The following NRDC variants were observed in gnomAD, a reference collection of about 807,000 sequenced individuals.
NRDC encodes nardilysin.
In NRDC, 54 loss-of-function variants were observed where a neutral mutation model predicts 147.1. The ratio of observed to expected loss-of-function variants is 0.37; its 90% CI spans 0.29 to 0.46. NRDC has a LOEUF of 0.46. Ranked by LOEUF, NRDC falls within the 20% of genes least tolerant of loss-of-function variation. The pLI is 1.00. For missense variants in NRDC, 1,082 were observed against 1,370.6 expected (o/e 0.79, Z 3.33); for synonymous variants, 440 against 482.1 (o/e 0.91, Z 1.14).
chr1:51,810,370 T>C lies in NRDC; in HGVS notation c.1814A>G (p.Gln605Arg), dbSNP rs762722640. 11 of 1,612,572 alleles carry C rather than the reference T, an allele frequency of 6.8e-6. No individual in the cohort carries two copies. The highest frequency in any genetic ancestry group is 1.6e-4 in the Middle Eastern group (1 of 6,078). ...IGEALNQLVPQKANLVLLSGA... is the reference protein window; with the variant it reads ...IGEALNQLVPRKANLVLLSGA... ...AGACAGTAAAACAAGATTTGCTTTT[T>C]GAGGAACTAGCTGATTCAAGGCTTC... is the stretch of plus-strand genomic sequence containing the variant. Residue 605 changes from glutamine (Q) to arginine (R), a missense_variant, in exon 16 of 31, where the codon CAA (glutamine) becomes CGA (arginine). Physicochemically the swap from Gln to Arg is conservative, Grantham distance 43. Transcript: ENST00000352171.
chr1:51,864,949 T>TAAAAA (rs76818656), intron 1 of NRDC, among the ~76,000 whole-genome samples: 1 of 133,846 alleles, frequency 7.5e-6, no homozygotes, highest in Non-Finnish European at 1.6e-5. Context: ...GACCTGGTCT[T>TAAAAA]AAAAAAAAAA....
chr1:51,825,133 T>G (rs777370561), intron 6 of NRDC, among the ~76,000 whole-genome samples, 154 bp downstream of exon 6: 23 of 152,370 alleles, frequency 1.5e-4, no homozygotes, highest in Admixed American at 2.6e-4. Flanking sequence ...GAGGCATATT[T>G]AACAACTTCG....
At chr1:51,860,112 C>A in intron 1 of NRDC, 1 of 168,462 alleles carries the variant, frequency 5.9e-6, no homozygotes, top group South Asian at 1.4e-4. Context: ...CTGCCAGATC[C>A]TCAGAATGTT....
chr1:51,860,284 C>A (rs1682464851), intron 1 of NRDC: 1 of 153,288 alleles, frequency 6.5e-6, no homozygotes, highest in South Asian at 2.1e-4. Flanking sequence ...TTTTCCCATT[C>A]CGTAAGTTTT....
intron 1 of NRDC, among the ~76,000 whole-genome samples, chr1:51,840,789 C>T (rs1396741799): frequency 6.6e-6 from 1 of 152,188 alleles, no homozygotes; most frequent in East Asian, 1.9e-4. Flanking sequence ...ATATATTTAC[C>T]TATTCAAAAA....
intron 1 of NRDC, among the ~76,000 whole-genome samples, chr1:51,845,869 G>C (rs1453950387): frequency 2.0e-5 from 3 of 151,952 alleles, no homozygotes; most frequent in Non-Finnish European, 2.9e-5. Flanking sequence ...ATAAACAAAA[G>C]AATGTTAACG....
chr1:51,837,008 C>T (rs913699803), intron 2 of NRDC, among the ~76,000 whole-genome samples: 13 of 148,904 alleles, frequency 8.7e-5, no homozygotes, highest in African/African-American at 2.7e-4. Flanking sequence ...TCTCAAACTC[C>T]TGGACTCAAA....
At chr1:51,864,031 T>C (rs1203331169) in intron 1 of NRDC, among the ~76,000 whole-genome samples, 1 of 152,224 alleles carries the variant, frequency 6.6e-6, no homozygotes, top group African/African-American at 2.4e-5. Context: ...GTCTATTTTA[T>C]AATGAAGTGT....
At chr1:51,832,797 G>A (rs1417367) in intron 4 of NRDC, among the ~76,000 whole-genome samples, 1 of 152,116 alleles carries the variant, frequency 6.6e-6, no homozygotes, top group East Asian at 1.9e-4. Context: ...CAATTTCACT[G>A]CTTAGAACTT....
intron 10 of NRDC, among the ~76,000 whole-genome samples, chr1:51,817,113 G>A (rs1398567271): frequency 1.3e-5 from 2 of 152,080 alleles, no homozygotes; most frequent in African/African-American, 4.8e-5. Flanking sequence ...CTGTATATAT[G>A]AGAAAATTTA....
intron 4 of NRDC, among the ~76,000 whole-genome samples, chr1:51,828,353 T>C (rs1680536853): frequency 6.6e-6 from 1 of 152,224 alleles, no homozygotes; most frequent in Non-Finnish European, 1.5e-5. Context: ...TTTGTAAAAT[T>C]GTAATATCAC....
chr1:51,858,868 T>C (rs1682391708), intron 1 of NRDC, among the ~76,000 whole-genome samples: 2 of 152,222 alleles, frequency 1.3e-5, no homozygotes, highest in African/African-American at 2.4e-5. Flanking sequence ...TCTCCATTTG[T>C]AAGGGTGTCT....
chr1:51,836,184 C>T lies in NRDC; in HGVS notation c.659G>A (p.Gly220Glu). ...CAGGTCATCTGGATCAGCGAAACTC[C>T]CAACTCCAACACAAAGAGCCGCTGC... The part of the protein sequence containing the change: ...QSAAALCVGV[G>E]SFADPDDLPG... Residue 220 changes from glycine (G) to glutamate (E), a missense_variant, in exon 3 of 31, where the codon GGG becomes GAG. Physicochemically the swap from Gly to Glu is moderately conservative, Grantham distance 98 (BLOSUM62 -2). Around this residue, in one of 3 missense-constraint regions of NRDC, gnomAD observed 635 missense variants for 923.8 expected, o/e 0.69. Transcript: ENST00000352171. 6.2e-7 allele frequency: 1 copy of T among 1,614,118 alleles called. No homozygotes were observed. Among genetic ancestry groups the T allele is most frequent in the Non-Finnish European group, 8.5e-7 (1 of 1,180,018 alleles).
intron 4 of NRDC, among the ~76,000 whole-genome samples, chr1:51,829,898 A>T (rs1463217535): frequency 6.6e-6 from 1 of 151,896 alleles, no homozygotes; most frequent in African/African-American, 2.4e-5. Flanking sequence ...TTCATTTTAC[A>T]AATTTCCTAG....
chr1:51,842,735 A>G (rs971667752), intron 1 of NRDC, among the ~76,000 whole-genome samples: 3 of 152,342 alleles, frequency 2.0e-5, no homozygotes, highest in Admixed American at 2.0e-4. Flanking sequence ...ATACATATAT[A>G]TCCAACTTTT....
chr1:51,827,103 A>C lies in NRDC; in HGVS notation c.940+693T>G, dbSNP rs1472575463. On this transcript the variant is annotated intron_variant, in intron 5 of 30. Coordinates refer to ENST00000352171, the MANE Select transcript of NRDC (RefSeq NM_001101662.2). ...TTTCCAAGGAGCTACTACAGCTAGG[A>C]GGAGCTTAACCATTCCATCCTTTTT... Among the ~76,000 whole-genome samples, 6 of 152,352 alleles carry C rather than the reference A, an allele frequency of 3.9e-5. No homozygotes were observed. In the East Asian group the frequency reaches 1.2e-3, roughly 29 times the overall value.
chr1:51,866,415 C>T (rs1419724813), intron 1 of NRDC, among the ~76,000 whole-genome samples: 1 of 152,002 alleles, frequency 6.6e-6, no homozygotes, highest in Non-Finnish European at 1.5e-5. Flanking sequence ...TATCATTTCA[C>T]TCATAGGTAT....
chr1:51,813,981 A>G (rs1164186019), intron 14 of NRDC, 54 bp downstream of exon 14: 6 of 1,146,254 alleles, frequency 5.2e-6, no homozygotes, highest in Non-Finnish European at 5.2e-6. Flanking sequence ...CAATGTCTAC[A>G]CCAGCTTCAA....
intron 24 of NRDC, 58 bp downstream of exon 24, chr1:51,794,414 G>A (rs952199893): frequency 4.8e-5 from 75 of 1,569,014 alleles, no homozygotes; most frequent in South Asian, 1.6e-4. Flanking sequence ...TGAAGGTCAC[G>A]GGGTCCCTGA....
Sources: gnomAD v4.1 joint callset for allele counts (sites outside exome capture counted in the v4.1 genomes callset) on GRCh38, gnomAD v4.1.1 for gene constraint, gnomAD v4.1.1 regional missense constraint, MANE v1.5 for transcripts, NCBI Gene and HGNC (gene_info 2026-07-23, HGNC 2026-07-21) for gene names.